The following PTPRD variants were observed in gnomAD, a reference collection of about 807,000 sequenced individuals.
PTPRD encodes protein tyrosine phosphatase receptor type D.
PTPRD carries 34 observed loss-of-function variants against 214.5 expected under a neutral mutation model. That is an observed-to-expected ratio of 0.16 (90% CI 0.12 to 0.21). The LOEUF is 0.21. PTPRD is among the 10% of genes least tolerant of loss of function. The probability of loss-of-function intolerance (pLI) is 1.00; values close to 1 mark genes in which losing one functional copy is unlikely to be tolerated. For missense variants in PTPRD, 2,545 were observed against 2,398.7 expected (o/e 1.06, Z -1.27); for synonymous variants, 1,128 against 845.7 (o/e 1.33, Z -5.79).
At chr9:9,860,487 T>G (rs1367818056) in intron 5 of PTPRD, among the ~76,000 whole-genome samples, 1 of 152,216 alleles carries the variant, frequency 6.6e-6, no homozygotes, top group Non-Finnish European at 1.5e-5. Flanking sequence ...TACAAGAAGA[T>G]AAAGATATTG....
At chr9:9,677,055 A>C (rs1415856036) in intron 7 of PTPRD, among the ~76,000 whole-genome samples, 1 of 151,854 alleles carries the variant, frequency 6.6e-6, no homozygotes. Flanking sequence ...AGGTTGCAAA[A>C]ATTTTCTCCC....
intron 11 of PTPRD, among the ~76,000 whole-genome samples, chr9:8,736,218 T>G (rs1485433190): frequency 6.6e-6 from 1 of 152,142 alleles, no homozygotes; most frequent in African/African-American, 2.4e-5. Context: ...AAGCAATCAT[T>G]TGAAGTATAA....
At chr9:10,510,650 A>G (rs1240718224) in intron 2 of PTPRD, among the ~76,000 whole-genome samples, 1 of 152,094 alleles carries the variant, frequency 6.6e-6, no homozygotes, top group Non-Finnish European at 1.5e-5. Flanking sequence ...AGGTGTAATG[A>G]TCTTATCTGG....
At position 8,980,486 on chromosome 9, in the gene PTPRD, G is replaced by T. The variant is rs116313715; in HGVS notation, c.-104+38211C>A. Among the ~76,000 whole-genome samples, 780 of 152,030 alleles carry T rather than the reference G, an allele frequency of 5.1e-3. 3 individuals are homozygous for T. The highest frequency in any genetic ancestry group is 9.9e-3 in the African/African-American group (412 of 41,494). On this transcript the variant is annotated intron_variant, in intron 11 of 45. Transcript: ENST00000381196. ...CTATATGTATCCATAATAATGTATT[G>T]CAAACCTTAAATACATACAATAAAA...
chr9:10,558,355 A>T (rs2063090416), intron 2 of PTPRD, among the ~76,000 whole-genome samples: 1 of 152,164 alleles, frequency 6.6e-6, no homozygotes, highest in Non-Finnish European at 1.5e-5. Context: ...AAATAATAAA[A>T]GTTTCAGAGT....
chr9:10,545,953 G>A (rs1304851388), intron 2 of PTPRD, among the ~76,000 whole-genome samples: 1 of 152,056 alleles, frequency 6.6e-6, no homozygotes, highest in African/African-American at 2.4e-5. Context: ...CTCATCTTCA[G>A]GAATGAATGC....
intron 3 of PTPRD, among the ~76,000 whole-genome samples, chr9:10,266,197 G>A (rs1012683705): frequency 2.6e-5 from 4 of 151,884 alleles, no homozygotes; most frequent in Non-Finnish European, 4.4e-5. Context: ...AGTTAAGTGT[G>A]CCTTAAAATG....
intron 36 of PTPRD, among the ~76,000 whole-genome samples, chr9:8,390,389 A>C (rs1165254809): frequency 6.6e-6 from 1 of 151,910 alleles, no homozygotes; most frequent in Non-Finnish European, 1.5e-5. Flanking sequence ...CCTTAGCTCA[A>C]TCCACATCCT....
chr9:9,415,274 G>A (rs12379010), intron 8 of PTPRD, among the ~76,000 whole-genome samples: 10,605 of 152,080 alleles, frequency 0.07, 527 homozygotes, highest in Non-Finnish European at 0.11. Flanking sequence ...AGGAGTTTGA[G>A]AGCAGACTGG....
chr9:9,935,323 A>G (rs1288159108), intron 5 of PTPRD, among the ~76,000 whole-genome samples: 2 of 151,926 alleles, frequency 1.3e-5, no homozygotes, highest in African/African-American at 4.8e-5. Context: ...TATCTAGAAA[A>G]CCCCATCATC....
chr9:9,219,207 A>G (rs1170716427), intron 9 of PTPRD, among the ~76,000 whole-genome samples: 1 of 152,132 alleles, frequency 6.6e-6, no homozygotes, highest in Non-Finnish European at 1.5e-5. Flanking sequence ...GCATTTACAA[A>G]CTTTTACAGA....
chr9:10,347,592 G>T (rs928827006), intron 2 of PTPRD, among the ~76,000 whole-genome samples: 11 of 151,608 alleles, frequency 7.3e-5, no homozygotes, highest in African/African-American at 2.4e-4. Flanking sequence ...TACATTTTTA[G>T]TAGAGACGGG....
At chr9:9,029,035 T>C (rs1187022733) in intron 10 of PTPRD, among the ~76,000 whole-genome samples, 1 of 151,880 alleles carries the variant, frequency 6.6e-6, no homozygotes, top group African/African-American at 2.4e-5. Flanking sequence ...AGAATTGAGA[T>C]GTACAATTGT....
intron 7 of PTPRD, among the ~76,000 whole-genome samples, chr9:9,683,489 A>G (rs990393270): frequency 1.3e-5 from 2 of 151,766 alleles, no homozygotes; most frequent in Non-Finnish European, 2.9e-5. Context: ...GCAAAGCAAT[A>G]AAATATGTAC....
chr9:9,965,167 G>T (rs546739105), intron 4 of PTPRD, among the ~76,000 whole-genome samples: 1 of 152,092 alleles, frequency 6.6e-6, no homozygotes, highest in South Asian at 2.1e-4. Context: ...CTTAAAAATT[G>T]CAAGAATATT....
At chr9:9,377,375 T>C (rs2061068821) in intron 9 of PTPRD, among the ~76,000 whole-genome samples, 1 of 152,120 alleles carries the variant, frequency 6.6e-6, no homozygotes, top group East Asian at 1.9e-4. Context: ...TCAACAATTT[T>C]CATCAAGCAT....
intron 9 of PTPRD, among the ~76,000 whole-genome samples, chr9:9,245,637 G>A (rs1034768061): frequency 6.6e-6 from 1 of 151,926 alleles, no homozygotes; most frequent in African/African-American, 2.4e-5. Flanking sequence ...GGGGATGGGG[G>A]AGGGATAGCA....
At chr9:8,775,550 C>T (rs1443545288) in intron 11 of PTPRD, among the ~76,000 whole-genome samples, 5 of 150,856 alleles carry the variant, frequency 3.3e-5, no homozygotes, top group African/African-American at 1.2e-4. Context: ...GCCTTAGTCA[C>T]ATGTACTTTC....
Position 9,411,856 on chromosome 9 carries a change from G to C in PTPRD, c.-236-14374C>G, listed in dbSNP as rs537367127. 2.0e-5 allele frequency among the ~76,000 whole-genome samples: 3 copies of C among 152,326 alleles called. No individual in the cohort carries two copies. In the East Asian group the frequency reaches 5.8e-4, roughly 29 times the overall value. On this transcript the variant is annotated intron_variant, in intron 8 of 45. Transcript: ENST00000381196. ...TTTTTGAAAAGATTTTCTGTGTAGG[G>C]AAATGAAATACTAAATGCATAGTGA... is the stretch of plus-strand genomic sequence containing the variant.
Sources: gnomAD v4.1 joint callset for allele counts (sites outside exome capture counted in the v4.1 genomes callset) on GRCh38, gnomAD v4.1.1 for gene constraint, MANE v1.5 for transcripts, NCBI Gene and HGNC (gene_info 2026-07-23, HGNC 2026-07-21) for gene names.